The following PTGER4 variants were observed in gnomAD, a reference collection of about 807,000 sequenced individuals.
PTGER4 encodes the protein prostaglandin E receptor 4, also known as prostaglandin E2 receptor EP4 subtype.
A neutral mutation model predicts 33.2 loss-of-function variants in PTGER4; 11 were observed. The ratio of observed to expected loss-of-function variants is 0.33; its 90% CI spans 0.21 to 0.55. The LOEUF (loss-of-function observed/expected upper bound fraction) is 0.55, where lower values mean the gene tolerates loss of function less well. PTGER4 is among the 20% of genes least tolerant of loss of function. The pLI, the probability that PTGER4 is intolerant of heterozygous loss-of-function variation, is 0.92. For missense variants in PTGER4, 481 were observed against 650.2 expected, an observed-to-expected ratio of 0.74 and a Z score of 2.83; for synonymous variants, 275 against 281.5, an observed-to-expected ratio of 0.98 and a Z score of 0.23.
At chr5:40,688,126 A>G (rs933604976) in intron 2 of PTGER4, among the ~76,000 whole-genome samples, 2 of 152,206 alleles carry the variant, frequency 1.3e-5, no homozygotes, top group African/African-American at 4.8e-5. Context: ...CTATTCAAAA[A>G]TTTTCTTCCT....
intron 2 of PTGER4, among the ~76,000 whole-genome samples, chr5:40,690,976 G>A (rs1042126992): frequency 4.6e-5 from 7 of 152,144 alleles, no homozygotes; most frequent in Non-Finnish European, 8.8e-5. Flanking sequence ...AAAGCTATAC[G>A]AACTCAGAAC....
At chr5:40,743,192 G>A in the PTGER4 span, among the ~76,000 whole-genome samples, 2 of 152,174 alleles carry the variant, frequency 1.3e-5, no homozygotes, top group African/African-American at 4.8e-5. Context: ...TTCAGACTGG[G>A]TAATCAGAGA....
At chr5:40,706,685 A>C in the PTGER4 span, among the ~76,000 whole-genome samples, 3 of 148,956 alleles carry the variant, frequency 2.0e-5, no homozygotes, top group Admixed American at 6.6e-5. Context: ...CACAACCAAA[A>C]AGGAAAAAAA....
chr5:40,703,118 CA>C, the PTGER4 span, among the ~76,000 whole-genome samples: 1 of 151,804 alleles, frequency 6.6e-6, no homozygotes, highest in Admixed American at 6.6e-5. Context: ...AGAAGCAGAA[CA>C]AATCAACTGC....
Position 40,692,428 on chromosome 5 carries a change from G to A in PTGER4, c.*50G>A. 4 of 1,521,336 alleles carry A rather than the reference G, an allele frequency of 2.6e-6. No homozygotes were observed. The highest frequency in any genetic ancestry group is 3.5e-6 in the Non-Finnish European group (4 of 1,138,128). 94.2% of individuals were successfully genotyped at this position (1,521,336 alleles called of 1,614,324 possible). A position where few individuals can be genotyped will look rare whatever the true frequency, so the allele number is the denominator to read the frequency against. On this transcript the variant is annotated 3_prime_UTR_variant, in exon 3 of 3. Transcript: ENST00000302472. ...TGTTTCTGGACCCTTATAAAATCCT[G>A]TGCAATAGACACATACATGTCACAT...
At chr5:40,713,923 G>A in the PTGER4 span, among the ~76,000 whole-genome samples, 1 of 152,170 alleles carries the variant, frequency 6.6e-6, no homozygotes, top group Non-Finnish European at 1.5e-5. Flanking sequence ...AAGAGTATGA[G>A]CTAAAATAAG....
At chr5:40,710,721 T>C in the PTGER4 span, among the ~76,000 whole-genome samples, 1 of 152,168 alleles carries the variant, frequency 6.6e-6, no homozygotes, top group African/African-American at 2.4e-5. Flanking sequence ...ATGTGGCACA[T>C]ATACACCATG....
the PTGER4 span, among the ~76,000 whole-genome samples, chr5:40,698,995 A>G: frequency 6.6e-6 from 1 of 152,212 alleles, no homozygotes; most frequent in Non-Finnish European, 1.5e-5. Context: ...AACTTCTAGT[A>G]ATGTACCCAT....
the PTGER4 span, among the ~76,000 whole-genome samples, chr5:40,745,346 T>A: frequency 6.6e-6 from 1 of 152,024 alleles, no homozygotes; most frequent in African/African-American, 2.4e-5. Context: ...ACATGAGGAA[T>A]TAGGAGTAGG....
In PTGER4 at chr5:40,680,021, A is replaced by C. The variant is rs1176847370; in HGVS notation, c.-501A>C. 1.3e-5 allele frequency: 2 copies of C among 152,614 alleles called. No individual in the cohort carries two copies. The highest frequency in any genetic ancestry group is 6.5e-5 in the Admixed American group (1 of 15,290). 9.5% of individuals were successfully genotyped at this position (152,614 alleles called of 1,614,324 possible). A position where few individuals can be genotyped will look rare whatever the true frequency, so the allele number is the denominator to read the frequency against. On this transcript the variant is annotated 5_prime_UTR_variant, in exon 1 of 3. Transcript: ENST00000302472. This position sits in a 1 kb window ranked among gnomAD's most constrained non-coding sequence, Gnocchi z 5.5. Reference sequence around the variant, plus strand: ...GCAGAGTGGACCCCGAGCCGCCCCCAGGTAGCCAGGAGCGGCCTCAGCGGC... The same window carrying C: ...GCAGAGTGGACCCCGAGCCGCCCCCCGGTAGCCAGGAGCGGCCTCAGCGGC...
At position 40,692,895 on chromosome 5, in the gene PTGER4, A is replaced by G; in HGVS notation, c.*517A>G. The G allele has an allele frequency of 1.0e-6, 1 of 982,586 alleles. No individual in the cohort carries two copies. Among genetic ancestry groups the G allele is most frequent in the Non-Finnish European group, 1.2e-6 (1 of 826,878 alleles). 60.9% of individuals were successfully genotyped at this position (982,586 alleles called of 1,614,324 possible). On this transcript the variant is annotated 3_prime_UTR_variant, in exon 3 of 3. Transcript: ENST00000302472. ...GTTTATTGTTAATACAAGGTATAAT[A>G]AAATTATCGCAACCCCTCTCCTTCC...
chr5:40,718,512 T>C, the PTGER4 span, among the ~76,000 whole-genome samples: 3 of 151,842 alleles, frequency 2.0e-5, no homozygotes, highest in Non-Finnish European at 4.4e-5. Context: ...CAGGCGGAGG[T>C]GGGCAGATCA....
chr5:40,696,522 A>G (rs1051485866), downstream of PTGER4: 8 of 244,454 alleles, frequency 3.3e-5, no homozygotes, highest in Non-Finnish European at 5.2e-5. Flanking sequence ...TCTCTGGGCT[A>G]CAGCTGGTGC....
chr5:40,741,406 C>T, the PTGER4 span, among the ~76,000 whole-genome samples: 117,503 of 152,138 alleles, frequency 0.77, 45,579 homozygotes, highest in East Asian at 1. Flanking sequence ...TCTGTATGAA[C>T]GCTACGAATG....
At chr5:40,707,011 C>A in the PTGER4 span, among the ~76,000 whole-genome samples, 8 of 152,124 alleles carry the variant, frequency 5.3e-5, no homozygotes, top group African/African-American at 1.9e-4. Context: ...GCCTGCCCTA[C>A]AAGAGCTCCT....
rs146766675 is a variant in PTGER4, at chr5:40,680,791, G to A, written c.-43-160G>A. 1.1e-3 allele frequency among the ~76,000 whole-genome samples: 164 copies of A among 152,272 alleles called. 1 individual carries two copies. In the East Asian group the frequency reaches 0.026, roughly 25 times the overall value. On this transcript the variant is annotated intron_variant, in intron 1 of 2. Coordinates refer to ENST00000302472, the MANE Select transcript of PTGER4 (RefSeq NM_000958.3). This position sits in a 1 kb window ranked among gnomAD's most constrained non-coding sequence, Gnocchi z 5.5. ...TGGCAGGACGTATCGCGAGCCTGGA[G>A]ATTTTGGTGGCCGCAGTTGGTAAGT...
the PTGER4 span, chr5:40,716,350 T>C: frequency 1.2e-6 from 2 of 1,614,186 alleles, no homozygotes; most frequent in Non-Finnish European, 1.7e-6. Context: ...TGGTGAAAAG[T>C]GTGTTACTTC....
chr5:40,715,553 A>G, the PTGER4 span: 1 of 152,360 alleles, frequency 6.6e-6, no homozygotes, highest in Non-Finnish European at 1.5e-5. Flanking sequence ...AGAAACACAA[A>G]TCAGAATTAA....
chr5:40,716,116 C>A, the PTGER4 span: 1 of 1,520,626 alleles, frequency 6.6e-7, no homozygotes. Flanking sequence ...ATCAAAAAGA[C>A]AGATTCAAAT....
Sources: gnomAD v4.1 joint callset for allele counts (sites outside exome capture counted in the v4.1 genomes callset) on GRCh38, gnomAD v4.1.1 for gene constraint, Gnocchi (gnomAD v3.1) non-coding constraint, MANE v1.5 for transcripts, NCBI Gene and HGNC (gene_info 2026-07-23, HGNC 2026-07-21) for gene names.